GSK3B: variants seen among roughly 807,000 people sequenced by gnomAD.
GSK3B encodes glycogen synthase kinase 3 beta.
Under a neutral mutation model 56.4 loss-of-function variants are expected in GSK3B, and 15 were observed. The observed-to-expected ratio is 0.27, with a 90% CI of 0.18 to 0.41. The LOEUF (loss-of-function observed/expected upper bound fraction) is 0.41, where lower values mean the gene tolerates loss of function less well. Among genes scored for constraint, GSK3B ranks in the 10% least tolerant of loss-of-function variants. The pLI, the probability that GSK3B is intolerant of heterozygous loss-of-function variation, is 1.00. For missense variants in GSK3B, 300 were observed against 513.4 expected, an observed-to-expected ratio of 0.58 and a Z score of 4.02; for synonymous variants, 181 against 188.9, an observed-to-expected ratio of 0.96 and a Z score of 0.34.
intron 1 of GSK3B, among the ~76,000 whole-genome samples, chr3:120,053,374 T>C (rs2058166726): frequency 6.6e-6 from 1 of 152,110 alleles, no homozygotes; most frequent in Non-Finnish European, 1.5e-5. Context: ...CAGAGTACAC[T>C]TTACAGATGT....
intron 2 of GSK3B, among the ~76,000 whole-genome samples, chr3:119,954,292 T>C (rs988702917): frequency 2.0e-5 from 2 of 98,554 alleles, no homozygotes; most frequent in African/African-American, 7.7e-5. Context: ...TAGAATAGAA[T>C]AGAATAGAAT....
At chr3:119,986,501 C>A (rs1386908407) in intron 2 of GSK3B, among the ~76,000 whole-genome samples, 1 of 151,814 alleles carries the variant, frequency 6.6e-6, no homozygotes, top group African/African-American at 2.4e-5. Flanking sequence ...AAAAAACAAC[C>A]CCCATCATAA....
At chr3:119,878,367 G>A (rs1170721391) in intron 7 of GSK3B, among the ~76,000 whole-genome samples, 1 of 152,108 alleles carries the variant, frequency 6.6e-6, no homozygotes, top group Non-Finnish European at 1.5e-5. Flanking sequence ...AAGAAAAGAT[G>A]CTTGGCATCA....
At chr3:119,895,177 T>C (rs983062786) in intron 7 of GSK3B, among the ~76,000 whole-genome samples, 3 of 152,158 alleles carry the variant, frequency 2.0e-5, no homozygotes, top group African/African-American at 7.2e-5. Flanking sequence ...CCATGCAATA[T>C]TTCTCTTTCT....
At chr3:120,074,755 T>C (rs72971013) in intron 1 of GSK3B, among the ~76,000 whole-genome samples, 1,841 of 152,104 alleles carry the variant, frequency 0.012, 32 homozygotes, top group African/African-American at 0.042. Context: ...AACAAAAAGA[T>C]TGAACCAGTG....
At chr3:119,876,174 A>G (rs899968378) in intron 8 of GSK3B, among the ~76,000 whole-genome samples, 2 of 152,180 alleles carry the variant, frequency 1.3e-5, no homozygotes, top group Admixed American at 1.3e-4. Context: ...CTTTAATGAT[A>G]TAAGTACACT....
intron 9 of GSK3B, among the ~76,000 whole-genome samples, chr3:119,862,010 A>G (rs188711133): frequency 2.0e-5 from 3 of 152,264 alleles, no homozygotes; most frequent in Non-Finnish European, 4.4e-5. Flanking sequence ...CCTCAAAAAC[A>G]TAAATGTTCA....
chr3:119,828,723 A>G (rs866142157), intron 10 of GSK3B, among the ~76,000 whole-genome samples: 9 of 152,244 alleles, frequency 5.9e-5, no homozygotes, highest in South Asian at 2.1e-4. Context: ...TCATTTCTAA[A>G]GCCAATCTAT....
intron 2 of GSK3B, among the ~76,000 whole-genome samples, chr3:119,995,295 C>T (rs536661337): frequency 2.4e-4 from 36 of 151,772 alleles, no homozygotes; most frequent in African/African-American, 7.5e-4. Context: ...ACTTTACCAC[C>T]GCTCTCCAGC....
intron 1 of GSK3B, among the ~76,000 whole-genome samples, chr3:120,003,150 G>T (rs1417009166): frequency 6.6e-6 from 1 of 152,008 alleles, no homozygotes; most frequent in African/African-American, 2.4e-5. Context: ...CTGAACTGAG[G>T]CCCAATTATA....
rs1209527732 is a variant in GSK3B at position 119,862,352 on chromosome 3, T to C, written c.1096+1067A>G. Among the ~76,000 whole-genome samples, 138 of 109,768 alleles carry C rather than the reference T, an allele frequency of 1.3e-3. 1 individual carries two copies. Among genetic ancestry groups the C allele is most frequent in the African/African-American group, 4.5e-3 (130 of 28,824 alleles). 72.0% of individuals were successfully genotyped at this position (109,768 alleles called of 152,430 possible). On this transcript the variant is annotated intron_variant, in intron 9 of 10. Coordinates refer to ENST00000264235, the MANE Select transcript of GSK3B (RefSeq NM_001146156.2). ...GATCACATGGACACAGGAAGGGGAA[T>C]ATCACACTCTGGGGACTGTGGTGGG...
intron 1 of GSK3B, among the ~76,000 whole-genome samples, chr3:120,083,404 A>G (rs1356927113): frequency 6.6e-6 from 1 of 152,184 alleles, no homozygotes; most frequent in African/African-American, 2.4e-5. Context: ...AGGACACTCC[A>G]GGAAAAGAAA....
At chr3:119,989,257 A>T (rs920873758) in intron 2 of GSK3B, among the ~76,000 whole-genome samples, 1 of 152,120 alleles carries the variant, frequency 6.6e-6, no homozygotes, top group Admixed American at 6.5e-5. Context: ...ACAGGAATCA[A>T]CTCCTAAATA....
At chr3:119,860,412 G>A (rs1414344624) in intron 9 of GSK3B, among the ~76,000 whole-genome samples, 1 of 152,144 alleles carries the variant, frequency 6.6e-6, no homozygotes, top group Non-Finnish European at 1.5e-5. Flanking sequence ...AAGCTTCAGT[G>A]CTGGAAAAAT....
chr3:119,845,273 C>T (rs2055839755), intron 9 of GSK3B, among the ~76,000 whole-genome samples: 2 of 152,194 alleles, frequency 1.3e-5, no homozygotes, highest in South Asian at 4.1e-4. Flanking sequence ...AGGGTGCCCT[C>T]TCTCACCACT....
At chr3:119,830,302 C>T (rs939530622) in intron 10 of GSK3B, among the ~76,000 whole-genome samples, 6 of 152,190 alleles carry the variant, frequency 3.9e-5, no homozygotes, top group African/African-American at 9.6e-5. Flanking sequence ...AGAAATAACT[C>T]AAGAAACAAA....
At chr3:120,063,809 G>A (rs1331320688) in intron 1 of GSK3B, among the ~76,000 whole-genome samples, 2 of 149,994 alleles carry the variant, frequency 1.3e-5, no homozygotes, top group South Asian at 2.1e-4. Context: ...TCAACGTGGC[G>A]AAACCCCACC....
At chr3:119,910,261 T>G (rs987028075) in intron 6 of GSK3B, among the ~76,000 whole-genome samples, 4 of 152,132 alleles carry the variant, frequency 2.6e-5, no homozygotes, top group African/African-American at 9.7e-5. Flanking sequence ...TTCTAAAAAG[T>G]AGAATTTGAA....
Position 120,028,039 on chromosome 3 carries a change from T to C in GSK3B, c.89-25800A>G, listed in dbSNP as rs934191149. On this transcript the variant is annotated intron_variant, in intron 1 of 10. Transcript: ENST00000264235. Reference sequence around the variant, plus strand: ...AATAATTTATCCTTAGTTCTAAAATTGAGTATAATCAGCAAAGAGATGAAT... The same window carrying C: ...AATAATTTATCCTTAGTTCTAAAATCGAGTATAATCAGCAAAGAGATGAAT... Among the ~76,000 whole-genome samples, 6 of 152,216 alleles carry C rather than the reference T, an allele frequency of 3.9e-5. 1 individual carries two copies. The South Asian group carries it at 1.2e-3, about 32-fold the overall frequency.
Sources: allele counts gnomAD v4.1 joint callset (sites outside exome capture counted in the v4.1 genomes callset), GRCh38; gene constraint gnomAD v4.1.1; transcripts MANE v1.5; gene names NCBI Gene and HGNC (gene_info 2026-07-23, HGNC 2026-07-21).